The following WTAP variants were observed in gnomAD, a reference collection of about 807,000 sequenced individuals.
WTAP encodes pre-mRNA-splicing regulator WTAP.
Under a neutral mutation model 50.0 loss-of-function variants are expected in WTAP, and 8 were observed. The observed-to-expected ratio is 0.16, with a 90% CI of 0.09 to 0.29. The LOEUF (loss-of-function observed/expected upper bound fraction) is 0.29. Among genes scored for constraint, WTAP ranks in the 10% least tolerant of loss-of-function variants. The pLI, the probability that WTAP is intolerant of heterozygous loss-of-function variation, is 1.00. For missense variants in WTAP, 295 were observed against 470.7 expected, an observed-to-expected ratio of 0.63 and a Z score of 3.45; for synonymous variants, 194 against 169.0, an observed-to-expected ratio of 1.15 and a Z score of -1.15.
At position 159,753,954 on chromosome 6, in the gene WTAP, G is replaced by A. The variant is rs78797409; in HGVS notation, c.607+340G>A. 5.3e-3 allele frequency among the ~76,000 whole-genome samples: 812 copies of A among 152,276 alleles called. 5 individuals are homozygous for A. Among genetic ancestry groups the A allele is most frequent in the African/African-American group, 0.018 (751 of 41,556 alleles). On this transcript the variant is annotated intron_variant, in intron 7 of 7. Transcript: ENST00000621533. ...TTGAAAGGGAGAATAAGCATTTCTC[G>A]TTAAGTGTAAATCTTAGAAACATGG...
Position 159,755,765 on chromosome 6 carries a change from C to CTTTTTTTTTTTTTTTTTTTTTTTTA in WTAP, c.*178_*179insATTTTTTTTTTTTTTTTTTTTTTTT. ...TTTTTCTTTGTTTTTTTTTTCTTTTCTTTTTTTTTTTTTTTTTTTTTTTTT... is the reference window on the plus strand; with the variant it reads ...TTTTTCTTTGTTTTTTTTTTCTTTTCTTTTTTTTTTTTTTTTTTTTTTTTATTTTTTTTTTTTTTTTTTTTTTTTT... On this transcript the variant is annotated 3_prime_UTR_variant, in exon 8 of 8. Coordinates refer to ENST00000621533, the MANE Select transcript of WTAP (RefSeq NM_001270531.2). 5.8e-6 allele frequency: 1 copy of CTTTTTTTTTTTTTTTTTTTTTTTTA among 171,464 alleles called. No homozygotes were observed. The highest frequency in any genetic ancestry group is 7.1e-6 in the Non-Finnish European group (1 of 140,800). 10.6% of individuals were successfully genotyped at this position (171,464 alleles called of 1,614,324 possible).
chr6:159,742,759 A>C (rs979620442), intron 4 of WTAP, among the ~76,000 whole-genome samples: 2 of 152,150 alleles, frequency 1.3e-5, no homozygotes, highest in African/African-American at 4.8e-5. Flanking sequence ...AGTCATGAAC[A>C]TTGTGAAAGT....
At chr6:159,732,778 C>T (rs377332791) in intron 1 of WTAP, among the ~76,000 whole-genome samples, 158 of 152,080 alleles carry the variant, frequency 1.0e-3, no homozygotes, top group African/African-American at 2.6e-3. Context: ...GAGCCGAGAT[C>T]GCGCCATTGC....
At chr6:159,736,332 T>C in intron 2 of WTAP, 37 bp downstream of exon 2, 1 of 1,515,682 alleles carries the variant, frequency 6.6e-7, no homozygotes, top group Non-Finnish European at 9.1e-7. Flanking sequence ...TGTTTTGTTT[T>C]GGGTTTTTTG....
At chr6:159,746,556 A>G (rs1779588088) in intron 5 of WTAP, among the ~76,000 whole-genome samples, 1 of 152,184 alleles carries the variant, frequency 6.6e-6, no homozygotes, top group South Asian at 2.1e-4. Context: ...TTCTTTGTCT[A>G]CATGCAGTCT....
chr6:159,744,807 G>C (rs1208080807), intron 5 of WTAP, among the ~76,000 whole-genome samples: 1 of 151,920 alleles, frequency 6.6e-6, no homozygotes, highest in Non-Finnish European at 1.5e-5. Context: ...TCAGCTTCCC[G>C]AGTAACTGAT....
intron 7 of WTAP, 72 bp from the exon 8 acceptor site, chr6:159,754,956 T>TAA: frequency 7.0e-7 from 1 of 1,419,754 alleles, no homozygotes; most frequent in Non-Finnish European, 9.4e-7. Context: ...CCTTGCTTTG[T>TAA]GGCAGGCACT....
intron 7 of WTAP, 77 bp downstream of exon 7, chr6:159,753,691 T>C (rs185326721): frequency 1.3e-5 from 19 of 1,498,822 alleles, no homozygotes; most frequent in African/African-American, 5.6e-5. Context: ...ATGAATATTA[T>C]AGGTTAGATT....
intron 2 of WTAP, among the ~76,000 whole-genome samples, chr6:159,737,208 C>T (rs1778974704): frequency 6.6e-6 from 1 of 152,064 alleles, no homozygotes; most frequent in African/African-American, 2.4e-5. Context: ...GCCACCACGC[C>T]CAGCTAATTT....
intron 3 of WTAP, 66 bp downstream of exon 3, chr6:159,739,111 A>G (rs1779091617): frequency 7.7e-7 from 1 of 1,292,886 alleles, no homozygotes; most frequent in Non-Finnish European, 1.1e-6. Context: ...TCTACACTGT[A>G]ATTGTCTTTG....
At chr6:159,732,455 C>G (rs988029050) in intron 1 of WTAP, among the ~76,000 whole-genome samples, 1 of 152,102 alleles carries the variant, frequency 6.6e-6, no homozygotes, top group Admixed American at 6.6e-5. Context: ...ATTTTATGTT[C>G]GTATATACAT....
chr6:159,750,042 T>G (rs1779762581), intron 6 of WTAP, among the ~76,000 whole-genome samples: 1 of 152,216 alleles, frequency 6.6e-6, no homozygotes, highest in Non-Finnish European at 1.5e-5. Flanking sequence ...TTTAGGGAAC[T>G]GATTGTGGGG....
Position 159,736,298 on chromosome 6 carries a change from A to T in WTAP, c.30+3A>T. The T allele has an allele frequency of 6.2e-7, 1 of 1,604,130 alleles. No individual in the cohort carries two copies. Among genetic ancestry groups the T allele is most frequent in the Non-Finnish European group, 8.5e-7 (1 of 1,175,140 alleles). On this transcript the variant is annotated splice_donor_region_variant and intron_variant, in intron 2 of 7. Coordinates refer to ENST00000621533, the MANE Select transcript of WTAP (RefSeq NM_001270531.2). ...ACGAAGAACCTCTTCCCAAGAAGGT[A>T]TGGGTTTTGGTTTTGGGTTTTTTTG...
At chr6:159,739,074 T>G (rs139325699) in intron 3 of WTAP, 29 bp downstream of exon 3, 2 of 1,567,146 alleles carry the variant, frequency 1.3e-6, no homozygotes, top group Admixed American at 1.7e-5. Flanking sequence ...AAAAACAAAG[T>G]CTTTCTATAG....
chr6:159,742,224 T>G, intron 4 of WTAP, 78 bp downstream of exon 4: 1 of 1,250,164 alleles, frequency 8.0e-7, no homozygotes, highest in Non-Finnish European at 1.1e-6. Context: ...GTTGTTTTTA[T>G]TAAAGCAAAT....
intron 1 of WTAP, among the ~76,000 whole-genome samples, chr6:159,728,457 G>A (rs1337072076): frequency 1.3e-5 from 2 of 152,116 alleles, no homozygotes; most frequent in Admixed American, 1.3e-4. Context: ...AGTCTGGTAG[G>A]GAAATACTTC....
intron 1 of WTAP, 113 bp downstream of exon 1, chr6:159,727,816 G>A: frequency 6.8e-6 from 5 of 734,712 alleles, no homozygotes; most frequent in Non-Finnish European, 8.3e-6. Context: ...AGGCCACACG[G>A]GCCTGGTGCG....
chr6:159,727,239 C>A, upstream of WTAP: 1 of 1,281,838 alleles, frequency 7.8e-7, no homozygotes, highest in Non-Finnish European at 1.0e-6. Context: ...CCCGATCGGG[C>A]TAGGCCGACG....
intron 1 of WTAP, among the ~76,000 whole-genome samples, chr6:159,734,846 C>T (rs963149750): frequency 6.6e-6 from 1 of 151,876 alleles, no homozygotes; most frequent in African/African-American, 2.4e-5. Flanking sequence ...ATGTCGTATA[C>T]TTTTTTTTCC....
Sources: allele counts gnomAD v4.1 joint callset (sites outside exome capture counted in the v4.1 genomes callset), GRCh38; gene constraint gnomAD v4.1.1; transcripts MANE v1.5; gene names NCBI Gene and HGNC (gene_info 2026-07-23, HGNC 2026-07-21).